The following LUZP2 variants were observed in gnomAD, a reference collection of about 807,000 sequenced individuals.
LUZP2 encodes leucine zipper protein 2.
Under a neutral mutation model 51.6 loss-of-function variants are expected in LUZP2, and 52 were observed. That is an observed-to-expected ratio of 1.01 (90% CI 0.81 to 1.27). The LOEUF (loss-of-function observed/expected upper bound fraction) is 1.27, where lower values mean the gene tolerates loss of function less well. Ranked by LOEUF, LUZP2 falls within the 50% of genes most tolerant of loss-of-function variation. The pLI is 0.00. For synonymous variants in LUZP2, 154 were observed against 137.3 expected (o/e 1.12, Z -0.85); for missense variants, 436 against 395.4 (o/e 1.10, Z -0.87).
chr11:25,077,654 C>A (rs1199929513), intron 11 of LUZP2, among the ~76,000 whole-genome samples: 1 of 151,766 alleles, frequency 6.6e-6, no homozygotes, highest in Admixed American at 6.6e-5. Context: ...CGCCCACCAC[C>A]ACGCCCAAAT....
chr11:24,976,699 GT>G, intron 8 of LUZP2, 34 bp downstream of exon 8: 2 of 353,680 alleles, frequency 5.7e-6, no homozygotes, highest in Admixed American at 7.4e-5. Flanking sequence ...TACAACTGTA[GT>G]TTTAGCAAAA....
At chr11:24,557,534 T>C (rs946672980) in intron 1 of LUZP2, among the ~76,000 whole-genome samples, 49 of 152,092 alleles carry the variant, frequency 3.2e-4, no homozygotes, top group African/African-American at 1.1e-3. Context: ...AATTAAGTAA[T>C]GCAAATGCAA....
intron 9 of LUZP2, among the ~76,000 whole-genome samples, chr11:24,993,820 T>C (rs1316673158): frequency 1.3e-5 from 2 of 151,664 alleles, no homozygotes; most frequent in Admixed American, 6.6e-5. Flanking sequence ...GACACAAGTT[T>C]TTAAATTTGA....
At chr11:25,062,700 A>G (rs1858880614) in intron 10 of LUZP2, among the ~76,000 whole-genome samples, 1 of 151,012 alleles carries the variant, frequency 6.6e-6, no homozygotes, top group Non-Finnish European at 1.5e-5. Context: ...GTGCTATGAC[A>G]TTTGACAATA....
At chr11:25,062,688 T>C (rs1858880139) in intron 10 of LUZP2, among the ~76,000 whole-genome samples, 1 of 150,932 alleles carries the variant, frequency 6.6e-6, no homozygotes, top group Non-Finnish European at 1.5e-5. Context: ...AACTTTATCA[T>C]TGTGCTATGA....
chr11:25,031,812 T>C (rs1857696075), intron 9 of LUZP2, among the ~76,000 whole-genome samples: 1 of 152,188 alleles, frequency 6.6e-6, no homozygotes, highest in Admixed American at 6.6e-5. Context: ...ACAAATTTTT[T>C]AAATCCCTTA....
chr11:24,513,047 C>T (rs117001015), intron 1 of LUZP2, among the ~76,000 whole-genome samples: 6,081 of 151,862 alleles, frequency 0.04, 155 homozygotes, highest in Middle Eastern at 0.11. Context: ...CGTGAGCCAC[C>T]GCGCCCAGCA....
intron 5 of LUZP2, among the ~76,000 whole-genome samples, chr11:24,775,119 C>T (rs553211607): frequency 1.2e-4 from 18 of 151,916 alleles, no homozygotes; most frequent in South Asian, 8.3e-4. Context: ...GGGAAGATGA[C>T]GACAATAACC....
At chr11:24,952,274 G>T (rs1161782548) in intron 7 of LUZP2, among the ~76,000 whole-genome samples, 1 of 151,566 alleles carries the variant, frequency 6.6e-6, no homozygotes, top group Non-Finnish European at 1.5e-5. Flanking sequence ...ATATAAAAAT[G>T]ATGCATTCAA....
intron 5 of LUZP2, among the ~76,000 whole-genome samples, chr11:24,848,795 C>T (rs1317959985): frequency 3.3e-5 from 5 of 152,004 alleles, no homozygotes; most frequent in South Asian, 2.1e-4. Context: ...CCACAAAACT[C>T]GACAAGGAGA....
At chr11:24,579,170 G>A (rs1852763600) in intron 1 of LUZP2, among the ~76,000 whole-genome samples, 1 of 151,992 alleles carries the variant, frequency 6.6e-6, no homozygotes, top group Admixed American at 6.6e-5. Flanking sequence ...ACATATAAAT[G>A]TGTTGACACA....
At chr11:24,578,142 C>T (rs1342114149) in intron 1 of LUZP2, among the ~76,000 whole-genome samples, 1 of 145,344 alleles carries the variant, frequency 6.9e-6, no homozygotes, top group South Asian at 2.2e-4. Flanking sequence ...TTTTAAAAAG[C>T]TTTTTCAGCT....
chr11:24,757,192 C>T (rs934406939), intron 4 of LUZP2, among the ~76,000 whole-genome samples: 3 of 151,942 alleles, frequency 2.0e-5, no homozygotes, highest in Admixed American at 6.6e-5. Context: ...AAGAAATCAC[C>T]GACAAACTGC....
At chr11:25,034,371 G>A (rs376246062) in intron 9 of LUZP2, among the ~76,000 whole-genome samples, 1 of 152,006 alleles carries the variant, frequency 6.6e-6, no homozygotes, top group Non-Finnish European at 1.5e-5. Flanking sequence ...CATTCTGTAG[G>A]TTGTCTGTTT....
rs1565191476 is a variant in LUZP2 at position 24,984,544 on chromosome 11, AT to A, written c.765+1252del. Among the ~76,000 whole-genome samples the A allele has an allele frequency of 1.5e-4, 16 of 106,290 alleles. 2 individuals carry two copies. The highest frequency in any genetic ancestry group is 2.2e-4 in the Admixed American group (2 of 9,302). The allele number at this position is 106,290 out of a possible 152,430, so 69.7% of individuals were successfully genotyped here. A position where few individuals can be genotyped will look rare whatever the true frequency, so the allele number is the denominator to read the frequency against. On this transcript the variant is annotated intron_variant, in intron 9 of 11. Coordinates refer to ENST00000336930, the MANE Select transcript of LUZP2 (RefSeq NM_001009909.4). ...ATATTTTATATATATATATATATAT[AT>A]ATATAATTGTGAATTTTAAAAGCCA...
At chr11:24,574,602 A>G (rs1193306542) in intron 1 of LUZP2, among the ~76,000 whole-genome samples, 1 of 152,048 alleles carries the variant, frequency 6.6e-6, no homozygotes, top group Non-Finnish European at 1.5e-5. Flanking sequence ...GATTGAACTG[A>G]ACTCCCTCTA....
At chr11:24,837,728 A>G (rs1199299424) in intron 5 of LUZP2, among the ~76,000 whole-genome samples, 2 of 151,590 alleles carry the variant, frequency 1.3e-5, no homozygotes, top group African/African-American at 4.8e-5. Flanking sequence ...AAATGGATAT[A>G]TATTTGGGGT....
At position 24,738,309 on chromosome 11, in the gene LUZP2, G is replaced by T. The variant is rs1564992; in HGVS notation, c.333+7G>T. 3.7e-6 allele frequency: 6 copies of T among 1,605,182 alleles called. No homozygotes were observed. The highest frequency in any genetic ancestry group is 5.1e-6 in the Non-Finnish European group (6 of 1,173,242). ...AGAAAAACACCAGGCTACTGTAAGT[G>T]TGTTTCTTCTTTGTGCCTTTTGCTT... On this transcript the variant is annotated splice_region_variant and intron_variant, in intron 4 of 11. Transcript: ENST00000336930.
chr11:24,670,785 T>A (rs2134001090), intron 1 of LUZP2, among the ~76,000 whole-genome samples: 1 of 152,076 alleles, frequency 6.6e-6, no homozygotes, highest in African/African-American at 2.4e-5. Flanking sequence ...TTAGTTTATG[T>A]AAAGTTGGTA....
Sources: gnomAD v4.1 joint callset for allele counts (sites outside exome capture counted in the v4.1 genomes callset) on GRCh38, gnomAD v4.1.1 for gene constraint, MANE v1.5 for transcripts, NCBI Gene and HGNC (gene_info 2026-07-23, HGNC 2026-07-21) for gene names.